Variants in ZNF407 observed in about 807,000 individuals in gnomAD.
ZNF407 encodes the protein zinc finger protein 407.
A neutral mutation model predicts 131.2 loss-of-function variants in ZNF407; 17 were observed. The ratio of observed to expected loss-of-function variants is 0.13; its 90% CI spans 0.09 to 0.19. ZNF407 has a LOEUF of 0.19. ZNF407 is among the 10% of genes least tolerant of loss of function. The pLI, the probability that ZNF407 is intolerant of heterozygous loss-of-function variation, is 1.00. For missense variants in ZNF407, 2,681 were observed against 2,830.6 expected (o/e 0.95, Z 1.20); for synonymous variants, 1,156 against 1,062.0 (o/e 1.09, Z -1.72).
intron 4 of ZNF407, among the ~76,000 whole-genome samples, chr18:74,806,432 G>A (rs2145080425): frequency 6.6e-6 from 1 of 152,336 alleles, no homozygotes; most frequent in African/African-American, 2.4e-5. Context: ...AGGAAGGCGA[G>A]AGCCAGGGGT....
At chr18:74,998,071 G>A (rs1471352329) in intron 8 of ZNF407, among the ~76,000 whole-genome samples, 1 of 152,164 alleles carries the variant, frequency 6.6e-6, no homozygotes, top group East Asian at 1.9e-4. Flanking sequence ...GGTGCCAGCT[G>A]CCAGTGGGAC....
chr18:74,705,324 G>A (rs1016677737), intron 3 of ZNF407, among the ~76,000 whole-genome samples: 5 of 152,108 alleles, frequency 3.3e-5, no homozygotes, highest in Non-Finnish European at 5.9e-5. Flanking sequence ...AAAAGCCCAC[G>A]ATAAATCAGT....
chr18:74,959,428 T>C (rs1189281592), intron 8 of ZNF407, among the ~76,000 whole-genome samples: 2 of 152,208 alleles, frequency 1.3e-5, no homozygotes, highest in Non-Finnish European at 2.9e-5. Context: ...ACCCTTCTGC[T>C]TCTGGGACAA....
At chr18:74,730,672 C>T (rs541727391) in intron 3 of ZNF407, among the ~76,000 whole-genome samples, 110 of 152,258 alleles carry the variant, frequency 7.2e-4, no homozygotes, top group Middle Eastern at 6.8e-3. Flanking sequence ...TACAATTCTT[C>T]GAAGACCCTT....
At chr18:74,906,349 C>T (rs1231477369) in intron 7 of ZNF407, among the ~76,000 whole-genome samples, 1 of 152,218 alleles carries the variant, frequency 6.6e-6, no homozygotes, top group Non-Finnish European at 1.5e-5. Flanking sequence ...ATCAGATTGA[C>T]TCCTCCCTGT....
chr18:74,830,519 C>G (rs72975443), intron 4 of ZNF407, among the ~76,000 whole-genome samples: 13,434 of 152,212 alleles, frequency 0.088, 664 homozygotes, highest in South Asian at 0.17. Flanking sequence ...GCACTTCTGG[C>G]CTCAAGCAGT....
intron 7 of ZNF407, chr18:74,898,574 C>T (rs1029341135): frequency 6.6e-6 from 1 of 152,158 alleles, no homozygotes; most frequent in Non-Finnish European, 1.5e-5. Context: ...AATCTTTCCT[C>T]TTTAAACTTT....
intron 8 of ZNF407, among the ~76,000 whole-genome samples, chr18:75,009,992 A>G (rs2122178577): frequency 6.6e-6 from 1 of 152,364 alleles, no homozygotes; most frequent in East Asian, 1.9e-4. Context: ...TAAGTAAAAT[A>G]TCTTGGATTG....
intron 3 of ZNF407, among the ~76,000 whole-genome samples, chr18:74,678,398 C>T (rs1209045019): frequency 1.3e-5 from 2 of 152,166 alleles, no homozygotes; most frequent in Admixed American, 6.5e-5. Context: ...GATAGCTTCT[C>T]CCTTTCCTCT....
At chr18:74,650,599 G>A (rs1985182313) in intron 3 of ZNF407, among the ~76,000 whole-genome samples, 1 of 151,986 alleles carries the variant, frequency 6.6e-6, no homozygotes, top group Non-Finnish European at 1.5e-5. Context: ...TACACTTTAG[G>A]GTGGGCTCAT....
At chr18:74,671,560 G>A (rs189918295) in intron 3 of ZNF407, among the ~76,000 whole-genome samples, 133 of 151,848 alleles carry the variant, frequency 8.8e-4, no homozygotes, top group African/African-American at 3.0e-3. Flanking sequence ...CTTTTTTTGT[G>A]TTCCTGAGTT....
chr18:74,742,723 AT>A (rs1391861975), intron 3 of ZNF407, among the ~76,000 whole-genome samples: 20 of 151,900 alleles, frequency 1.3e-4, no homozygotes, highest in Admixed American at 4.6e-4. Context: ...ATTTGCTCAC[AT>A]TTTTCTCCTG....
At chr18:75,023,034 T>A (rs1973129374) in intron 8 of ZNF407, among the ~76,000 whole-genome samples, 1 of 152,062 alleles carries the variant, frequency 6.6e-6, no homozygotes, top group African/African-American at 2.4e-5. Context: ...TTGCTGGGAC[T>A]TGGATGGAGC....
intron 8 of ZNF407, among the ~76,000 whole-genome samples, chr18:74,939,236 C>T (rs988306581): frequency 2.0e-5 from 3 of 151,956 alleles, no homozygotes; most frequent in South Asian, 4.2e-4. Flanking sequence ...GTTTTGTATT[C>T]GGAAATCTCA....
chr18:74,966,473 T>C (rs558632827), intron 8 of ZNF407, among the ~76,000 whole-genome samples: 2 of 152,318 alleles, frequency 1.3e-5, no homozygotes, highest in African/African-American at 2.4e-5. Context: ...GGGTTCACCG[T>C]AGGTATGTGG....
chr18:74,943,490 C>T (rs571943684), intron 8 of ZNF407, among the ~76,000 whole-genome samples: 76 of 152,156 alleles, frequency 5.0e-4, no homozygotes, highest in African/African-American at 1.7e-3. Context: ...ACCCATAAGG[C>T]GTAGAAATGC....
intron 3 of ZNF407, among the ~76,000 whole-genome samples, chr18:74,761,198 TAGG>T (rs35760670): frequency 0.13 from 19,331 of 152,138 alleles, 2,082 homozygotes; most frequent in African/African-American, 0.29. Context: ...TGAATTTTGA[TAGG>T]TTTTATTATA....
rs149665852 is a variant in ZNF407, at chr18:75,040,635, T to C, written c.5429-22515T>C. ...TTAATAACTTGTAGCTGAGTGTGTG[T>C]ATGTGATACTCTGCAGATAGACCCT... On this transcript the variant is annotated intron_variant, in intron 8 of 8. Transcript: ENST00000299687. Among the ~76,000 whole-genome samples, 223 of 152,338 alleles carry C rather than the reference T, an allele frequency of 1.5e-3. 1 individual carries two copies. The Middle Eastern group carries it at 0.041, about 28-fold the overall frequency.
At chr18:74,645,706 ATC>A (rs1984943644) in intron 3 of ZNF407, among the ~76,000 whole-genome samples, 1 of 150,242 alleles carries the variant, frequency 6.7e-6, no homozygotes, top group Non-Finnish European at 1.5e-5. Flanking sequence ...ATTAGAAGGG[ATC>A]TCTATGTAGA....
Sources: gnomAD v4.1 joint callset for allele counts (sites outside exome capture counted in the v4.1 genomes callset) on GRCh38, gnomAD v4.1.1 for gene constraint, MANE v1.5 for transcripts, NCBI Gene and HGNC (gene_info 2026-07-23, HGNC 2026-07-21) for gene names.